NRXN1: variants seen among roughly 807,000 people sequenced by gnomAD.
The protein encoded by NRXN1 is neurexin 1, also known as neurexin-1.
A neutral mutation model predicts 150.9 loss-of-function variants in NRXN1; 39 were observed. That is an observed-to-expected ratio of 0.26 (90% CI 0.20 to 0.34). The LOEUF is 0.34. NRXN1 is among the 10% of genes least tolerant of loss of function. NRXN1 has a pLI of 1.00. For synonymous variants in NRXN1, 924 were observed against 757.0 expected, an observed-to-expected ratio of 1.22 and a Z score of -3.62; for missense variants, 1,815 against 1,949.9, an observed-to-expected ratio of 0.93 and a Z score of 1.30.
At chr2:50,233,953 C>A (rs1409912033) in intron 18 of NRXN1, among the ~76,000 whole-genome samples, 1 of 152,038 alleles carries the variant, frequency 6.6e-6, no homozygotes, top group African/African-American at 2.4e-5. Context: ...GCTTCTATCA[C>A]CCCCAGGCAT....
chr2:51,008,579 C>T (rs1667386515), intron 2 of NRXN1, among the ~76,000 whole-genome samples: 1 of 151,782 alleles, frequency 6.6e-6, no homozygotes, highest in Admixed American at 6.6e-5. Context: ...CTCTCTTGCC[C>T]ATTACTATCT....
intron 2 of NRXN1, among the ~76,000 whole-genome samples, chr2:51,005,918 T>C (rs1437856102): frequency 1.3e-5 from 2 of 151,668 alleles, no homozygotes; most frequent in African/African-American, 4.8e-5. Flanking sequence ...AATACACACA[T>C]AGACTGAAAG....
intron 5 of NRXN1, among the ~76,000 whole-genome samples, chr2:50,876,542 T>G (rs1678619819): frequency 6.6e-6 from 1 of 151,868 alleles, no homozygotes; most frequent in South Asian, 2.1e-4. Context: ...CCTTTCTGGT[T>G]CTCTTTGGAT....
In NRXN1 at chr2:50,538,090, A is replaced by G. The variant is rs72882073; in HGVS notation, c.2143+163T>C. ...GAATCAAGCTCTTTGAAAAACATTA[A>G]GAGCTCATTAGTAATCCATGTCAGG... is the stretch of plus-strand genomic sequence containing the variant. On this transcript the variant is annotated intron_variant, in intron 10 of 22. Transcript: ENST00000401669. Among the ~76,000 whole-genome samples the G allele has an allele frequency of 0.052, 7,863 of 152,302 alleles. 267 individuals carry two copies. The highest frequency in any genetic ancestry group is 0.12 in the Middle Eastern group (35 of 294).
intron 18 of NRXN1, among the ~76,000 whole-genome samples, chr2:50,151,896 T>C (rs1035120086): frequency 2.0e-5 from 3 of 151,756 alleles, no homozygotes; most frequent in Non-Finnish European, 2.9e-5. Context: ...ATAAAGAGTA[T>C]GAGCAATTCT....
chr2:50,290,889 T>C (rs538257936), intron 17 of NRXN1, among the ~76,000 whole-genome samples: 1 of 152,274 alleles, frequency 6.6e-6, no homozygotes, highest in East Asian at 1.9e-4. Flanking sequence ...TAATGAGAGC[T>C]TTCGTCAAAT....
intron 5 of NRXN1, among the ~76,000 whole-genome samples, chr2:50,699,077 C>G (rs775834859): frequency 6.6e-6 from 1 of 152,160 alleles, no homozygotes; most frequent in Non-Finnish European, 1.5e-5. Flanking sequence ...GACTGTCAGA[C>G]AGTCATGGTG....
At chr2:50,430,422 TC>T (rs1474062146) in intron 17 of NRXN1, among the ~76,000 whole-genome samples, 1 of 152,224 alleles carries the variant, frequency 6.6e-6, no homozygotes, top group Non-Finnish European at 1.5e-5. Context: ...GTCTGACCAG[TC>T]CCACACAATA....
intron 5 of NRXN1, among the ~76,000 whole-genome samples, chr2:50,677,103 TG>T (rs1459901343): frequency 3.9e-5 from 6 of 152,166 alleles, no homozygotes; most frequent in Non-Finnish European, 8.8e-5. Context: ...CATGACAGCT[TG>T]TGCATATCCT....
At chr2:50,412,537 CAAT>C (rs1246043316) in intron 17 of NRXN1, among the ~76,000 whole-genome samples, 1 of 144,548 alleles carries the variant, frequency 6.9e-6, no homozygotes, top group Non-Finnish European at 1.5e-5. Flanking sequence ...TTGGCTAATA[CAAT>C]AATGTTTTGC....
chr2:50,767,029 C>T (rs1379249818), intron 5 of NRXN1, among the ~76,000 whole-genome samples: 7 of 152,048 alleles, frequency 4.6e-5, no homozygotes, highest in Admixed American at 4.6e-4. Context: ...GATTCCTGGT[C>T]CTGACTAACT....
intron 21 of NRXN1, among the ~76,000 whole-genome samples, chr2:50,045,694 C>A (rs1186359024): frequency 6.6e-6 from 1 of 152,108 alleles, no homozygotes; most frequent in Non-Finnish European, 1.5e-5. Context: ...TATATTCTTG[C>A]TACTTAGACA....
chr2:50,776,743 G>A (rs1208247232), intron 5 of NRXN1, among the ~76,000 whole-genome samples: 1 of 151,544 alleles, frequency 6.6e-6, no homozygotes, highest in African/African-American at 2.4e-5. Context: ...AAGGAGTTAA[G>A]TCTCATTTTT....
chr2:50,158,966 T>A (rs2059197953), intron 18 of NRXN1, among the ~76,000 whole-genome samples: 1 of 152,064 alleles, frequency 6.6e-6, no homozygotes, highest in African/African-American at 2.4e-5. Flanking sequence ...CTACCATTCA[T>A]CACACGCAAG....
At chr2:50,657,698 T>A (rs75402482) in intron 5 of NRXN1, among the ~76,000 whole-genome samples, 1 of 152,170 alleles carries the variant, frequency 6.6e-6, no homozygotes, top group East Asian at 1.9e-4. Context: ...GAGTTCTGTG[T>A]TCTGCCATCA....
chr2:51,026,807 A>C (rs2105320979), intron 2 of NRXN1, among the ~76,000 whole-genome samples: 1 of 152,328 alleles, frequency 6.6e-6, no homozygotes, highest in South Asian at 2.1e-4. Flanking sequence ...ATTTTACTTA[A>C]ATTTCACAAA....
intron 2 of NRXN1, among the ~76,000 whole-genome samples, chr2:51,017,637 C>G (rs1032908024): frequency 4.8e-5 from 7 of 146,834 alleles, no homozygotes; most frequent in African/African-American, 1.8e-4. Context: ...ACCTTATTTC[C>G]TAGAAAGTTG....
chr2:50,917,911 T>C (rs1208280618), intron 5 of NRXN1: 1 of 151,632 alleles, frequency 6.6e-6, no homozygotes, highest in Non-Finnish European at 1.5e-5. Flanking sequence ...ATTAATAATA[T>C]CAAATCTATT....
At chr2:50,444,282 A>G (rs943249744) in intron 17 of NRXN1, among the ~76,000 whole-genome samples, 1 of 152,208 alleles carries the variant, frequency 6.6e-6, no homozygotes, top group Admixed American at 6.6e-5. Flanking sequence ...ATAAGATTTC[A>G]TAGAAAACAG....
Sources: allele counts gnomAD v4.1 joint callset (sites outside exome capture counted in the v4.1 genomes callset), GRCh38; gene constraint gnomAD v4.1.1; transcripts MANE v1.5; gene names NCBI Gene and HGNC (gene_info 2026-07-23, HGNC 2026-07-21).